Variants in ADGRV1 observed in about 807,000 individuals in gnomAD.
ADGRV1 encodes adhesion G protein-coupled receptor V1, also known as G-protein coupled receptor 98.
ADGRV1 carries 359 observed loss-of-function variants against 596.2 expected under a neutral mutation model. The ratio of observed to expected loss-of-function variants is 0.60; its 90% CI spans 0.55 to 0.66. ADGRV1 has a LOEUF of 0.66. ADGRV1 is among the 30% of genes least tolerant of loss of function. ADGRV1 has a pLI of 0.00. For missense variants in ADGRV1, 7,274 were observed against 7,575.6 expected (o/e 0.96, Z 1.48); for synonymous variants, 2,681 against 2,679.2 (o/e 1.00, Z -0.02).
chr5:90,788,071 G>A lies in ADGRV1; in HGVS notation c.13654G>A (p.Val4552Met). 1 of 1,589,468 alleles carries A rather than the reference G, an allele frequency of 6.3e-7. No individual in the cohort carries two copies. Residue 4552 changes from valine (V) to methionine (M), a missense_variant and splice_region_variant, in exon 68 of 90, where the codon GTG becomes ATG. Val to Met is a conservative substitution (Grantham distance 21, BLOSUM62 1). Transcript: ENST00000405460. ...RTGGLLGEIQ[V>M]NWETVGPNSQ... ...TACCAAAACCAAAAACATCCCGCAG[G>A]TGAACTGGGAGACAGTAGGACCCAA...
chr5:90,872,371 G>A (rs1561877289), intron 83 of ADGRV1, among the ~76,000 whole-genome samples: 1 of 151,160 alleles, frequency 6.6e-6, no homozygotes, highest in Non-Finnish European at 1.5e-5. Flanking sequence ...CTTAAAAATT[G>A]GATATATATA....
intron 21 of ADGRV1, among the ~76,000 whole-genome samples, chr5:90,672,056 C>T (rs1772552314): frequency 6.6e-6 from 1 of 152,156 alleles, no homozygotes; most frequent in African/African-American, 2.4e-5. Context: ...ACCAAATATA[C>T]TATATTGCTT....
At position 90,853,331 on chromosome 5, in the gene ADGRV1, T is replaced by A; in HGVS notation, c.17252T>A (p.Leu5751His). ...TGCCCATATTTGTCAATATTGGCTC[T>A]TCACTGGTATCCTCAGCAAATCAAT... ...DSCPYLSILALHWYPQQINGH... is the reference protein window; with the variant it reads ...DSCPYLSILAHHWYPQQINGH... Residue 5751 changes from leucine (L) to histidine (H), a missense_variant, in exon 80 of 90, where the codon CTT (leucine) becomes CAT (histidine). Leu to His is a moderately conservative substitution (Grantham distance 99, BLOSUM62 -3). Coordinates refer to ENST00000405460, the MANE Select transcript of ADGRV1 (RefSeq NM_032119.4). 1 of 1,613,134 alleles carries A rather than the reference T, an allele frequency of 6.2e-7. No individual in the cohort carries two copies. The highest frequency in any genetic ancestry group is 8.5e-7 in the Non-Finnish European group (1 of 1,179,324).
At chr5:90,706,109 G>A in intron 37 of ADGRV1, 122 bp from the exon 38 acceptor site, 1 of 708,502 alleles carries the variant, frequency 1.4e-6, no homozygotes, top group Non-Finnish European at 2.3e-6. Flanking sequence ...GAAGGGGTGA[G>A]GAATTGGGAC....
intron 72 of ADGRV1, 93 bp from the exon 73 acceptor site, chr5:90,807,509 G>T: frequency 8.1e-7 from 1 of 1,232,846 alleles, no homozygotes. Flanking sequence ...TTGAATTTTG[G>T]AAAAGAAAAT....
chr5:90,821,956 T>A (rs1225932134), intron 75 of ADGRV1: 5 of 157,560 alleles, frequency 3.2e-5, no homozygotes, highest in African/African-American at 1.2e-4. Flanking sequence ...AGTTTGAGCT[T>A]CCTGGCTGCT....
chr5:91,097,628 T>A (rs1790989335), intron 86 of ADGRV1, among the ~76,000 whole-genome samples: 1 of 152,210 alleles, frequency 6.6e-6, no homozygotes. Flanking sequence ...ACTCTGTGTT[T>A]AACATCTTGA....
intron 85 of ADGRV1, among the ~76,000 whole-genome samples, chr5:91,028,455 G>C (rs1422725972): frequency 1.3e-5 from 2 of 152,102 alleles, no homozygotes; most frequent in East Asian, 3.9e-4. Context: ...TATCCTTAAA[G>C]TTGGTCTTGA....
intron 83 of ADGRV1, among the ~76,000 whole-genome samples, chr5:90,929,087 T>G: frequency 6.7e-6 from 1 of 148,244 alleles, no homozygotes; most frequent in East Asian, 2.1e-4. Flanking sequence ...GTCTTTTTGT[T>G]TGTCTGTGCC....
intron 86 of ADGRV1, chr5:91,091,835 C>T (rs1402747477): frequency 6.6e-6 from 1 of 152,028 alleles, no homozygotes; most frequent in Non-Finnish European, 1.5e-5. Flanking sequence ...TATTGAGGCC[C>T]TTAAGGTGTT....
rs559116406 is a variant in ADGRV1 at position 90,606,623 on chromosome 5, A to G, written c.23-8212A>G. On this transcript the variant is annotated intron_variant, in intron 1 of 89. Transcript: ENST00000405460. ...CATAATTATTGTAGAACTCATCAAT[A>G]AAATGGCAGTTTCCATTGACTTTCA... Among the ~76,000 whole-genome samples the G allele has an allele frequency of 7.2e-5, 11 of 152,380 alleles. No individual in the cohort carries two copies. In the South Asian group the frequency reaches 1.4e-3, roughly 20 times the overall value.
intron 26 of ADGRV1, 143 bp from the exon 27 acceptor site, chr5:90,681,172 C>A (rs1176889186): frequency 2.3e-6 from 2 of 851,990 alleles, no homozygotes; most frequent in Non-Finnish European, 3.5e-6. Flanking sequence ...CCATTTGTGT[C>A]TGCCTTTCTT....
intron 83 of ADGRV1, among the ~76,000 whole-genome samples, chr5:90,963,188 C>A (rs970728791): frequency 1.3e-5 from 2 of 152,018 alleles, no homozygotes; most frequent in Non-Finnish European, 2.9e-5. Flanking sequence ...AATAGATGCA[C>A]CTTTGTAAAA....
intron 77 of ADGRV1, among the ~76,000 whole-genome samples, chr5:90,836,832 C>T (rs1274470661): frequency 6.6e-6 from 1 of 152,162 alleles, no homozygotes; most frequent in African/African-American, 2.4e-5. Context: ...ACAGTTTCAC[C>T]TCTCTGGTAT....
intron 83 of ADGRV1, among the ~76,000 whole-genome samples, chr5:90,890,336 T>G (rs1470195305): frequency 6.6e-6 from 1 of 152,172 alleles, no homozygotes; most frequent in Non-Finnish European, 1.5e-5. Context: ...CCTGTCTGGA[T>G]GAACTCTGAA....
At chr5:90,570,703 G>T (rs1756408337) in intron 1 of ADGRV1, among the ~76,000 whole-genome samples, 1 of 150,256 alleles carries the variant, frequency 6.7e-6, no homozygotes, top group Admixed American at 6.6e-5. Context: ...GCTTAAATCA[G>T]CTGTTGAGCC....
At chr5:90,602,258 A>C (rs1230946608) in intron 1 of ADGRV1, among the ~76,000 whole-genome samples, 1 of 152,188 alleles carries the variant, frequency 6.6e-6, no homozygotes, top group Admixed American at 6.5e-5. Context: ...GAAGGAAGTA[A>C]GTTTGTTTGA....
In ADGRV1 at chr5:90,672,674, T is replaced by C. The variant is rs749270114; in HGVS notation, c.4881T>C (p.Phe1627=). 8.0e-5 allele frequency: 129 copies of C among 1,613,518 alleles called. 3 individuals are homozygous for C. The South Asian group carries it at 1.4e-3, about 18-fold the overall frequency. The stretch of plus-strand genomic sequence containing the variant: ...GCATTAATTACCTTGTTGATGACTT[T>C]GCTAATGCCAGTGGAACTATTACAT... ...TDGINYLVDD[F]ANASGTITFL... Residue 1627 remains phenylalanine (F), a synonymous_variant, in exon 22 of 90, where the codon TTT becomes TTC. Coordinates refer to ENST00000405460, the MANE Select transcript of ADGRV1 (RefSeq NM_032119.4).
At chr5:91,050,011 C>T (rs1468409658) in intron 85 of ADGRV1, among the ~76,000 whole-genome samples, 1 of 152,134 alleles carries the variant, frequency 6.6e-6, no homozygotes, top group Non-Finnish European at 1.5e-5. Context: ...GCGGGCCTGC[C>T]AGGGAGAATT....
Sources: gnomAD v4.1 joint callset for allele counts (sites outside exome capture counted in the v4.1 genomes callset) on GRCh38, gnomAD v4.1.1 for gene constraint, MANE v1.5 for transcripts, NCBI Gene and HGNC (gene_info 2026-07-23, HGNC 2026-07-21) for gene names.